The following KCNG3 variants were observed in gnomAD, a reference collection of about 807,000 sequenced individuals.
KCNG3 encodes voltage-gated potassium channel regulatory subunit KCNG3.
KCNG3 carries 15 observed loss-of-function variants against 29.0 expected under a neutral mutation model. The ratio of observed to expected loss-of-function variants is 0.52; its 90% CI spans 0.35 to 0.80. The LOEUF (loss-of-function observed/expected upper bound fraction) is 0.80. Among genes scored for constraint, KCNG3 ranks in the 30% least tolerant of loss-of-function variants. KCNG3 has a pLI of 0.01. For missense variants in KCNG3, 512 were observed against 605.7 expected (o/e 0.85, Z 1.62); for synonymous variants, 322 against 248.9 (o/e 1.29, Z -2.76).
At chr2:42,409,731 T>TAAAAAAAAA in the KCNG3 span, among the ~76,000 whole-genome samples, 94 of 77,068 alleles carry the variant, frequency 1.2e-3, no homozygotes, top group African/African-American at 3.5e-3. Flanking sequence ...AAAAAAAAAT[T>TAAAAAAAAA]TTTTTTTAAA....
chr2:42,463,941 G>T (rs1263637168), intron 1 of KCNG3: 1 of 336,002 alleles, frequency 3.0e-6, no homozygotes, highest in South Asian at 2.5e-5. Flanking sequence ...CACAGCCCTT[G>T]GTGAACACAT....
chr2:42,477,420 C>CAG (rs1558386657), intron 1 of KCNG3, among the ~76,000 whole-genome samples: 59 of 43,266 alleles, frequency 1.4e-3, no homozygotes, highest in African/African-American at 3.6e-3. Flanking sequence ...CACACACACA[C>CAG]ACATATATTT....
chr2:42,482,796 G>A (rs529332738), intron 1 of KCNG3, among the ~76,000 whole-genome samples: 3 of 151,882 alleles, frequency 2.0e-5, no homozygotes, highest in South Asian at 4.2e-4. Context: ...AAAAACCACT[G>A]CATTTTATGG....
chr2:42,393,325 C>T, the KCNG3 span, among the ~76,000 whole-genome samples: 1 of 151,056 alleles, frequency 6.6e-6, no homozygotes, highest in African/African-American at 2.4e-5. Context: ...CTTTGAGAGG[C>T]CAAGGTGGGC....
chr2:42,493,107 G>T lies in KCNG3; in HGVS notation c.395C>A (p.Pro132Gln). ...DTYTFYSADE[P>Q]GVLGRDEARP... ...CGCCTCGTCGCGGCCCAGCACGCCCGGCTCGTCGGCCGAGTAGAAGGTGTA... is the reference window on the plus strand; with the variant it reads ...CGCCTCGTCGCGGCCCAGCACGCCCTGCTCGTCGGCCGAGTAGAAGGTGTA... The change falls in exon 1 of 2, where the codon CCG becomes CAG. Residue 132 changes from proline (P) to glutamine (Q), a missense_variant. Physicochemically the swap from Pro to Gln is moderately conservative, Grantham distance 76. Around this residue, in one of 5 missense-constraint regions of KCNG3, gnomAD observed 228 missense variants for 200.0 expected, o/e 1.14. Transcript: ENST00000306078. 1.3e-6 allele frequency: 2 copies of T among 1,589,822 alleles called. No homozygotes were observed. The highest frequency in any genetic ancestry group is 2.3e-5 in the East Asian group (1 of 43,962).
chr2:42,428,926 C>G, the KCNG3 span, among the ~76,000 whole-genome samples: 1 of 152,044 alleles, frequency 6.6e-6, no homozygotes. Flanking sequence ...TGAGACCAGC[C>G]TGGTCAACAT....
the KCNG3 span, among the ~76,000 whole-genome samples, chr2:42,395,329 C>T: frequency 6.6e-6 from 1 of 152,128 alleles, no homozygotes; most frequent in South Asian, 2.1e-4. Context: ...CCTTTTACAG[C>T]ACACTCACAA....
At chr2:42,427,508 A>C in the KCNG3 span, among the ~76,000 whole-genome samples, 1 of 151,812 alleles carries the variant, frequency 6.6e-6, no homozygotes, top group African/African-American at 2.4e-5. Context: ...TGGGAGGCTG[A>C]GGTGGGAGCA....
the KCNG3 span, chr2:42,424,967 T>C: frequency 4.6e-5 from 7 of 152,100 alleles, no homozygotes; most frequent in Non-Finnish European, 8.8e-5. Context: ...GAAAGGGTGA[T>C]TTTCACAGTT....
chr2:42,482,333 C>G (rs1673608561), intron 1 of KCNG3, among the ~76,000 whole-genome samples: 1 of 152,180 alleles, frequency 6.6e-6, no homozygotes, highest in African/African-American at 2.4e-5. Context: ...AATCCCAACA[C>G]TTTGGGAGGC....
chr2:42,487,184 A>AT (rs1157231291), intron 1 of KCNG3, among the ~76,000 whole-genome samples: 4 of 151,026 alleles, frequency 2.6e-5, no homozygotes, highest in Non-Finnish European at 4.4e-5. Context: ...AGAATTCACA[A>AT]TTTTTTTTAA....
At chr2:42,433,837 G>C in the KCNG3 span, among the ~76,000 whole-genome samples, 1 of 152,148 alleles carries the variant, frequency 6.6e-6, no homozygotes, top group East Asian at 1.9e-4. Context: ...CTTAAAGCTG[G>C]GGACACTCTT....
the KCNG3 span, among the ~76,000 whole-genome samples, chr2:42,423,317 T>C: frequency 1.3e-5 from 2 of 152,234 alleles, no homozygotes; most frequent in South Asian, 2.1e-4. Context: ...CTTGACACAG[T>C]TGACAGAGTA....
downstream of KCNG3, among the ~76,000 whole-genome samples, chr2:42,440,973 T>C (rs1396345739): frequency 6.6e-6 from 1 of 152,218 alleles, no homozygotes; most frequent in Non-Finnish European, 1.5e-5. Context: ...AATGTCTGAC[T>C]TACTGGTACC....
intron 1 of KCNG3, among the ~76,000 whole-genome samples, chr2:42,471,773 C>T (rs1382506429): frequency 8.0e-5 from 12 of 150,646 alleles, no homozygotes; most frequent in Non-Finnish European, 1.8e-4. Flanking sequence ...AATCCCAGCA[C>T]TTTGGGAGGC....
At chr2:42,433,337 T>C in the KCNG3 span, among the ~76,000 whole-genome samples, 138 of 152,234 alleles carry the variant, frequency 9.1e-4, 2 homozygotes, top group Middle Eastern at 0.014. Flanking sequence ...AGAGAACAGG[T>C]AAATTATTAC....
chr2:42,438,811 C>T, downstream of KCNG3, among the ~76,000 whole-genome samples: 1 of 150,658 alleles, frequency 6.6e-6, no homozygotes, highest in African/African-American at 2.5e-5. Flanking sequence ...GGCTTCACTG[C>T]AAATGAGGCA....
chr2:42,419,234 T>TTTTTTTTTTC, the KCNG3 span, among the ~76,000 whole-genome samples: 1 of 115,162 alleles, frequency 8.7e-6, no homozygotes, highest in Admixed American at 8.9e-5. Context: ...TTTTTTTTTT[T>TTTTTTTTTTC]TTTTTTTTTT....
the KCNG3 span, among the ~76,000 whole-genome samples, chr2:42,408,070 G>A: frequency 6.6e-6 from 1 of 152,242 alleles, no homozygotes; most frequent in Non-Finnish European, 1.5e-5. Context: ...GTGCTGACAT[G>A]CTAGCCCCCT....
Sources: gnomAD v4.1 joint callset for allele counts (sites outside exome capture counted in the v4.1 genomes callset) on GRCh38, gnomAD v4.1.1 for gene constraint, gnomAD v4.1.1 regional missense constraint, MANE v1.5 for transcripts, NCBI Gene and HGNC (gene_info 2026-07-23, HGNC 2026-07-21) for gene names.